KDM7A: variants seen among roughly 807,000 people sequenced by gnomAD.
KDM7A encodes lysine-specific demethylase 7A.
In KDM7A, 28 loss-of-function variants were observed where a neutral mutation model predicts 114.8. The ratio of observed to expected loss-of-function variants is 0.24; its 90% CI spans 0.18 to 0.33. The LOEUF (loss-of-function observed/expected upper bound fraction) is 0.33. Among genes scored for constraint, KDM7A ranks in the 10% least tolerant of loss-of-function variants. The pLI is 1.00. For missense variants in KDM7A, 942 were observed against 1,142.5 expected (o/e 0.82, Z 2.53); for synonymous variants, 423 against 397.8 (o/e 1.06, Z -0.75).
chr7:140,158,387 G>A (rs1257228635), intron 1 of KDM7A, among the ~76,000 whole-genome samples: 1 of 152,084 alleles, frequency 6.6e-6, no homozygotes, highest in Non-Finnish European at 1.5e-5. Context: ...AACAGGATTT[G>A]GCCAAATAAT....
intron 1 of KDM7A, among the ~76,000 whole-genome samples, chr7:140,164,828 T>C (rs1794556577): frequency 6.6e-6 from 1 of 152,200 alleles, no homozygotes; most frequent in Admixed American, 6.5e-5. Flanking sequence ...TGGCAGTGAA[T>C]TGATACTCAC....
At chr7:140,172,235 T>C (rs995142086) in intron 1 of KDM7A, among the ~76,000 whole-genome samples, 107 of 152,348 alleles carry the variant, frequency 7.0e-4, no homozygotes, top group African/African-American at 2.3e-3. Context: ...AAATTGTACA[T>C]GCCAGGTCTT....
Position 140,085,229 on chromosome 7 carries a change from AG to A in KDM7A, c.*5864del, listed in dbSNP as rs1817906449. Reference sequence around the variant, plus strand: ...CGCTATTCCGCAGACACCCCCAACAAGAAGAACAGTCCCCTCGGACCGTGGG... The same window carrying A: ...CGCTATTCCGCAGACACCCCCAACAAAAGAACAGTCCCCTCGGACCGTGGG... On this transcript the variant is annotated 3_prime_UTR_variant, in exon 20 of 20. Transcript: ENST00000397560. The A allele has an allele frequency of 1.0e-5, 1 of 96,356 alleles. No homozygotes were observed. The highest frequency in any genetic ancestry group is 2.2e-5 in the Non-Finnish European group (1 of 45,104). 6.0% of individuals were successfully genotyped at this position (96,356 alleles called of 1,614,324 possible).
chr7:140,171,492 T>G (rs182932704), intron 1 of KDM7A, among the ~76,000 whole-genome samples: 22 of 146,460 alleles, frequency 1.5e-4, no homozygotes, highest in Admixed American at 8.3e-4. Flanking sequence ...ATATTTATAT[T>G]TATATACATA....
At chr7:140,135,449 C>T (rs1331234405) in intron 2 of KDM7A, among the ~76,000 whole-genome samples, 1 of 152,134 alleles carries the variant, frequency 6.6e-6, no homozygotes, top group Non-Finnish European at 1.5e-5. Flanking sequence ...GATCCGCCCA[C>T]CTTGGCCTCC....
intron 1 of KDM7A, among the ~76,000 whole-genome samples, chr7:140,175,650 C>T (rs544202335): frequency 6.6e-6 from 1 of 152,348 alleles, no homozygotes; most frequent in African/African-American, 2.4e-5. Flanking sequence ...CCTTTATTAG[C>T]CTCACACTTT....
At chr7:140,172,982 A>T (rs1428102299) in intron 1 of KDM7A, among the ~76,000 whole-genome samples, 1 of 152,210 alleles carries the variant, frequency 6.6e-6, no homozygotes, top group Non-Finnish European at 1.5e-5. Context: ...CAACTAAAAA[A>T]TGCGATTAAA....
intron 1 of KDM7A, among the ~76,000 whole-genome samples, chr7:140,163,891 T>C (rs1794546542): frequency 6.6e-6 from 1 of 152,130 alleles, no homozygotes; most frequent in Non-Finnish European, 1.5e-5. Flanking sequence ...TTTATAGTAG[T>C]ACAAGTAACA....
intron 17 of KDM7A, 92 bp downstream of exon 17, chr7:140,096,463 A>AT (rs1453470095): frequency 1.0e-6 from 1 of 981,472 alleles, no homozygotes; most frequent in Non-Finnish European, 1.6e-6. Flanking sequence ...AAAGATGCTT[A>AT]TTCATAATCT....
chr7:140,142,142 G>T (rs913440681), intron 1 of KDM7A, among the ~76,000 whole-genome samples: 2 of 149,200 alleles, frequency 1.3e-5, no homozygotes, highest in Non-Finnish European at 3.0e-5. Flanking sequence ...CAAAGTAGAT[G>T]ATAAACCTAA....
chr7:140,120,991 T>C (rs923731034), intron 7 of KDM7A, among the ~76,000 whole-genome samples: 12 of 152,190 alleles, frequency 7.9e-5, no homozygotes, highest in Admixed American at 1.3e-4. Flanking sequence ...TGGTTTGAAT[T>C]AGAAAAGCAC....
rs371890477 is a variant in KDM7A at position 140,097,031 on chromosome 7, G to A, written c.2033C>T (p.Thr678Ile). The change falls in exon 16 of 20, where the codon ACT (threonine) becomes ATT (isoleucine). Residue 678 changes from threonine to isoleucine, a missense_variant. Transcript: ENST00000397560. ...ECTALKSIFT[T>I]EESESSGDEK... ...ATCACCTGAACTTTCAGACTCTTCA[G>A]TGGTAAAGATACTTTTCTGAGATGA... 1.2e-5 allele frequency: 19 copies of A among 1,611,018 alleles called. No individual in the cohort carries two copies. Among genetic ancestry groups the A allele is most frequent in the Non-Finnish European group, 1.5e-5 (18 of 1,178,002 alleles).
chr7:140,151,797 A>C (rs76470959), intron 1 of KDM7A, among the ~76,000 whole-genome samples: 399 of 152,330 alleles, frequency 2.6e-3, no homozygotes, highest in African/African-American at 7.7e-3. Flanking sequence ...AGGATCTTTA[A>C]AAGATGAATG....
Position 140,086,078 on chromosome 7 carries a change from T to A in KDM7A, c.*5016A>T, listed in dbSNP as rs1327130451. The A allele has an allele frequency of 6.6e-6, 1 of 152,184 alleles. No homozygotes were observed. The highest frequency in any genetic ancestry group is 6.6e-5 in the Admixed American group (1 of 15,266). 9.4% of individuals were successfully genotyped at this position (152,184 alleles called of 1,614,324 possible). A position where few individuals can be genotyped will look rare whatever the true frequency, so the allele number is the denominator to read the frequency against. On this transcript the variant is annotated 3_prime_UTR_variant, in exon 20 of 20. Coordinates refer to ENST00000397560, the MANE Select transcript of KDM7A (RefSeq NM_030647.2). Reference sequence around the variant, plus strand: ...CAAAATGAAACTGGTTGGAGACAAGTTTTACCTTTATAATTAAGCTCCATT... The same window carrying A: ...CAAAATGAAACTGGTTGGAGACAAGATTTACCTTTATAATTAAGCTCCATT...
At chr7:140,171,907 T>A (rs1244390790) in intron 1 of KDM7A, among the ~76,000 whole-genome samples, 1 of 152,160 alleles carries the variant, frequency 6.6e-6, no homozygotes, top group Non-Finnish European at 1.5e-5. Flanking sequence ...CTATAATATA[T>A]CCAATCTACT....
At chr7:140,130,828 G>A (rs1038815234) in intron 3 of KDM7A, among the ~76,000 whole-genome samples, 2 of 142,534 alleles carry the variant, frequency 1.4e-5, no homozygotes, top group Non-Finnish European at 3.0e-5. Flanking sequence ...TAAATGACCC[G>A]TTACAACCAG....
chr7:140,100,481 G>A (rs1037197757), intron 12 of KDM7A, among the ~76,000 whole-genome samples: 13 of 151,602 alleles, frequency 8.6e-5, no homozygotes, highest in African/African-American at 1.9e-4. Context: ...GTCACCATGC[G>A]ACATAAAGGC....
intron 3 of KDM7A, among the ~76,000 whole-genome samples, chr7:140,131,146 C>T (rs898555127): frequency 5.3e-5 from 8 of 152,072 alleles, no homozygotes; most frequent in Admixed American, 6.6e-5. Context: ...GGATTACAGG[C>T]GTGAGCCACC....
intron 17 of KDM7A, chr7:140,094,880 T>A (rs971614753): frequency 1.3e-5 from 2 of 152,272 alleles, no homozygotes; most frequent in East Asian, 3.9e-4. Context: ...GGAATTTCCC[T>A]CTTGTTGCCC....
Sources: gnomAD v4.1 joint callset for allele counts (sites outside exome capture counted in the v4.1 genomes callset) on GRCh38, gnomAD v4.1.1 for gene constraint, MANE v1.5 for transcripts, NCBI Gene and HGNC (gene_info 2026-07-23, HGNC 2026-07-21) for gene names.